The following ITIH5 variants were observed in gnomAD, a reference collection of about 807,000 sequenced individuals.
ITIH5 encodes inter-alpha-trypsin inhibitor heavy chain H5.
Under a neutral mutation model 77.5 loss-of-function variants are expected in ITIH5, and 65 were observed. The observed-to-expected ratio is 0.84, with a 90% CI of 0.69 to 1.03. The LOEUF is 1.03. Ranked by LOEUF, ITIH5 falls within the 50% of genes least tolerant of loss-of-function variation. The pLI, the probability that ITIH5 is intolerant of heterozygous loss-of-function variation, is 0.00. For missense variants in ITIH5, 1,208 were observed against 1,213.1 expected, an observed-to-expected ratio of 1.00 and a Z score of 0.06; for synonymous variants, 525 against 494.3, an observed-to-expected ratio of 1.06 and a Z score of -0.82.
rs369696627 is a variant in ITIH5 at position 7,594,943 on chromosome 10, G to A, written c.940-8874C>T. On this transcript the variant is annotated intron_variant, in intron 7 of 13. Transcript: ENST00000397146. The stretch of plus-strand genomic sequence containing the variant: ...GAGGTCAACCCACAAGAGGCCCTTC[G>A]GGTTTCCCCTGGGGGGTCCGTGCCA... Among the ~76,000 whole-genome samples, 34 of 152,338 alleles carry A rather than the reference G, an allele frequency of 2.2e-4. 1 individual carries two copies. The South Asian group carries it at 6.4e-3, about 29-fold the overall frequency.
intron 7 of ITIH5, chr10:7,609,599 C>G (rs1194151752): frequency 5.1e-6 from 2 of 392,186 alleles, no homozygotes; most frequent in East Asian, 1.5e-4. Flanking sequence ...GACTAATTCA[C>G]GTTTGCCCTC....
chr10:7,559,610 T>C lies in ITIH5; in HGVS notation c.*3473A>G. 3.8e-6 allele frequency: 1 copy of C among 261,410 alleles called. No individual in the cohort carries two copies. Among genetic ancestry groups the C allele is most frequent in the South Asian group, 4.4e-5 (1 of 22,564 alleles). The allele number at this position is 261,410 out of a possible 1,614,324, so 16.2% of individuals were successfully genotyped here. ...TTAAAGAACAGAAAAAGAATTAACG[T>C]TTTGAATGATTTGGTGTCTTAGTCA... On this transcript the variant is annotated 3_prime_UTR_variant, in exon 14 of 14. Transcript: ENST00000397146.
At chr10:7,652,648 C>A (rs1329123288) in intron 2 of ITIH5, among the ~76,000 whole-genome samples, 1 of 152,064 alleles carries the variant, frequency 6.6e-6, no homozygotes, top group Non-Finnish European at 1.5e-5. Context: ...AATCTTTGTA[C>A]CCTTAGAGGC....
At chr10:7,644,626 C>G (rs28680576) in intron 2 of ITIH5, among the ~76,000 whole-genome samples, 2 of 98,396 alleles carry the variant, frequency 2.0e-5, no homozygotes, top group Non-Finnish European at 3.8e-5. Context: ...ATATATATCA[C>G]ATATATCACA....
At chr10:7,585,853 A>G (rs565026226) in intron 8 of ITIH5, 48 bp downstream of exon 8, 2 of 1,508,510 alleles carry the variant, frequency 1.3e-6, no homozygotes, top group South Asian at 2.5e-5. Flanking sequence ...AAAAAAAAAA[A>G]CATTATTTCA....
rs200068398 is a variant in ITIH5 at position 7,566,212 on chromosome 10, C to T, written c.2345G>A (p.Gly782Glu). Residue 782 changes from glycine (G) to glutamate (E), a missense_variant, in exon 13 of 14, where the codon GGG (glycine) becomes GAG (glutamate). Transcript: ENST00000397146. ...VLPCNQSVVV[G>E]SWGLEVSVSA... is the part of the protein sequence containing the mutation. ...CACGGACACCTCCAGCCCCCAGCTCCCCACCACCACACTCTGGTTGCAGGG... is the reference window on the plus strand; with the variant it reads ...CACGGACACCTCCAGCCCCCAGCTCTCCACCACCACACTCTGGTTGCAGGG... 10 of 1,613,796 alleles carry T rather than the reference C, an allele frequency of 6.2e-6. No homozygotes were observed. The highest frequency in any genetic ancestry group is 1.3e-5 in the African/African-American group (1 of 74,894).
chr10:7,628,973 A>G (rs372863101), intron 5 of ITIH5, among the ~76,000 whole-genome samples: 3,415 of 66,794 alleles, frequency 0.051, 95 homozygotes, highest in African/African-American at 0.1. Flanking sequence ...GTGTTGTAGC[A>G]TGTGTCCGTG....
At chr10:7,565,027 T>A (rs922504279) in intron 13 of ITIH5, among the ~76,000 whole-genome samples, 1 of 144,502 alleles carries the variant, frequency 6.9e-6, no homozygotes, top group African/African-American at 2.6e-5. Flanking sequence ...CATATATACA[T>A]ACATAGACTG....
At chr10:7,651,969 A>G (rs1377503306) in intron 2 of ITIH5, among the ~76,000 whole-genome samples, 4 of 152,164 alleles carry the variant, frequency 2.6e-5, no homozygotes, top group African/African-American at 9.7e-5. Flanking sequence ...CACACTCAAT[A>G]GAAACAAACC....
At position 7,589,065 on chromosome 10, in the gene ITIH5, C is replaced by T. The variant is rs565113477; in HGVS notation, c.940-2996G>A. Among the ~76,000 whole-genome samples, 10 of 152,356 alleles carry T rather than the reference C, an allele frequency of 6.6e-5. No homozygotes were observed. The East Asian group carries it at 1.2e-3, about 18-fold the overall frequency. On this transcript the variant is annotated intron_variant, in intron 7 of 13. Transcript: ENST00000397146. ...GTGCAGCAAATCTGGGGATCTCTTC[C>T]AAGTCCCTGTATGTTGATGGGCTCT...
chr10:7,640,706 G>A (rs752002928), intron 4 of ITIH5, 48 bp downstream of exon 4: 2 of 1,187,270 alleles, frequency 1.7e-6, no homozygotes, highest in South Asian at 1.2e-5. Context: ...AGAAAATGTG[G>A]CACTTTGCTA....
chr10:7,572,383 C>T (rs1283887258), intron 11 of ITIH5: 4 of 1,366,678 alleles, frequency 2.9e-6, no homozygotes, highest in Non-Finnish European at 2.9e-6. Context: ...CTGTTCTTCC[C>T]TTCTGAAGCC....
chr10:7,600,497 C>T (rs1832992520), intron 7 of ITIH5: 9 of 456,364 alleles, frequency 2.0e-5, no homozygotes, highest in South Asian at 1.1e-4. Flanking sequence ...GAAATGAGCC[C>T]GGTCTCTCCT....
At chr10:7,626,071 A>T (rs1402569918) in intron 5 of ITIH5, among the ~76,000 whole-genome samples, 1 of 152,222 alleles carries the variant, frequency 6.6e-6, no homozygotes, top group Admixed American at 6.5e-5. Flanking sequence ...TCTCTTCCCG[A>T]AAGTGTTCAG....
chr10:7,664,420 A>T lies in ITIH5; in HGVS notation c.90+2383T>A, dbSNP rs561311312. The stretch of plus-strand genomic sequence containing the variant: ...GTCTCAAAAAAAAAAAAAAAACTAA[A>T]ATGTGTTCCATGGACCACCTGCATC... On this transcript the variant is annotated intron_variant, in intron 1 of 13. Coordinates refer to ENST00000397146, the MANE Select transcript of ITIH5 (RefSeq NM_030569.7). 5.1e-4 allele frequency among the ~76,000 whole-genome samples: 77 copies of T among 151,908 alleles called. No homozygotes were observed. In the East Asian group the frequency reaches 0.011, roughly 22 times the overall value.
chr10:7,656,529 T>A (rs184010677), intron 1 of ITIH5, among the ~76,000 whole-genome samples: 260 of 151,968 alleles, frequency 1.7e-3, no homozygotes, highest in African/African-American at 4.2e-3. Context: ...AGATTTTTTT[T>A]AAAAAAAACT....
intron 7 of ITIH5, among the ~76,000 whole-genome samples, chr10:7,593,406 C>T (rs76711622): frequency 1.5e-4 from 17 of 114,966 alleles, no homozygotes; most frequent in African/African-American, 5.3e-4. Context: ...CTCACCCCTG[C>T]AGCCTGCAGC....
rs575393859 is a variant in ITIH5 at position 7,585,815 on chromosome 10, T to C, written c.1108+86A>G. 4.0e-6 allele frequency: 5 copies of C among 1,240,660 alleles called. No homozygotes were observed. The Admixed American group carries it at 7.9e-5, about 20-fold the overall frequency. The allele number at this position is 1,240,660 out of a possible 1,614,324, so 76.9% of individuals were successfully genotyped here. ...CCATCAACCCCAGCTTTCAAATCCT[T>C]ATCTCTTGGCAAAAAAAAAAAAAAA... On this transcript the variant is annotated intron_variant, in intron 8 of 13. Coordinates refer to ENST00000397146, the MANE Select transcript of ITIH5 (RefSeq NM_030569.7).
In ITIH5 at chr10:7,576,435, G is replaced by A. The variant is rs1172827562; in HGVS notation, c.1978+18C>T. On this transcript the variant is annotated intron_variant, in intron 10 of 13. Coordinates refer to ENST00000397146, the MANE Select transcript of ITIH5 (RefSeq NM_030569.7). ...AGGCCCGCGTCCCCCACACCTGGCT[G>A]GCACAGGTGCCTCGTACCTGGCTGC... 6 of 1,538,558 alleles carry A rather than the reference G, an allele frequency of 3.9e-6. No homozygotes were observed. Among genetic ancestry groups the A allele is most frequent in the Non-Finnish European group, 4.4e-6 (5 of 1,146,986 alleles).
Sources: gnomAD v4.1 joint callset for allele counts (sites outside exome capture counted in the v4.1 genomes callset) on GRCh38, gnomAD v4.1.1 for gene constraint, MANE v1.5 for transcripts, NCBI Gene and HGNC (gene_info 2026-07-23, HGNC 2026-07-21) for gene names.